The following XKR6 variants were observed in gnomAD, a reference collection of about 807,000 sequenced individuals.
XKR6 encodes the protein XK-related protein 6.
A neutral mutation model predicts 56.7 loss-of-function variants in XKR6; 22 were observed. That is an observed-to-expected ratio of 0.39 (90% CI 0.28 to 0.55). The LOEUF (loss-of-function observed/expected upper bound fraction) is 0.55. Among genes scored for constraint, XKR6 ranks in the 20% least tolerant of loss-of-function variants. The pLI, the probability that XKR6 is intolerant of heterozygous loss-of-function variation, is 0.66. For synonymous variants in XKR6, 524 were observed against 387.8 expected (o/e 1.35, Z -4.13); for missense variants, 852 against 889.0 (o/e 0.96, Z 0.53).
At position 11,008,566 on chromosome 8, in the gene XKR6, G is replaced by T. The variant is rs970647692; in HGVS notation, c.765-83736C>A. ...CTCCTAAGTAGCTGGGACCACAGGTGCATGCCACCATGCCTGGCTAATTTT... is the reference window on the plus strand; with the variant it reads ...CTCCTAAGTAGCTGGGACCACAGGTTCATGCCACCATGCCTGGCTAATTTT... On this transcript the variant is annotated intron_variant, in intron 1 of 2. Transcript: ENST00000416569. Among the ~76,000 whole-genome samples, 3 of 152,010 alleles carry T rather than the reference G, an allele frequency of 2.0e-5. No individual in the cohort carries two copies. The East Asian group carries it at 5.8e-4, about 29-fold the overall frequency.
chr8:11,083,450 G>C (rs769314462), intron 1 of XKR6, among the ~76,000 whole-genome samples: 4 of 152,166 alleles, frequency 2.6e-5, no homozygotes, highest in Non-Finnish European at 4.4e-5. Flanking sequence ...TCGCCCCTGG[G>C]ACTTGACAGG....
At chr8:11,139,310 A>C (rs1440349285) in intron 1 of XKR6, among the ~76,000 whole-genome samples, 1 of 152,186 alleles carries the variant, frequency 6.6e-6, no homozygotes, top group Non-Finnish European at 1.5e-5. Flanking sequence ...TACGTAACTC[A>C]AAGAATCCTG....
chr8:11,138,145 A>G (rs1368894128), intron 1 of XKR6: 1 of 159,974 alleles, frequency 6.3e-6, no homozygotes, highest in East Asian at 1.9e-4. Flanking sequence ...TTTAAGACCC[A>G]TTCCAGAAAG....
At chr8:10,999,082 T>C (rs1798181639) in intron 1 of XKR6, among the ~76,000 whole-genome samples, 1 of 152,184 alleles carries the variant, frequency 6.6e-6, no homozygotes, top group Admixed American at 6.5e-5. Flanking sequence ...AAAACGTTTG[T>C]TTTCTTCTCC....
chr8:11,153,407 A>C (rs1019714178), intron 1 of XKR6, among the ~76,000 whole-genome samples: 5 of 152,254 alleles, frequency 3.3e-5, no homozygotes, highest in Middle Eastern at 3.2e-3. Context: ...CTTTAGCCCC[A>C]AAAACTCTAC....
intron 1 of XKR6, among the ~76,000 whole-genome samples, chr8:11,142,735 G>T (rs945503038): frequency 9.2e-5 from 14 of 152,134 alleles, no homozygotes; most frequent in African/African-American, 3.1e-4. Context: ...GCAGAACCAT[G>T]AGCCAATTAA....
intron 1 of XKR6, among the ~76,000 whole-genome samples, chr8:11,151,405 T>C (rs779658980): frequency 1.3e-5 from 2 of 152,170 alleles, no homozygotes; most frequent in Non-Finnish European, 2.9e-5. Context: ...CTGCAGAAAA[T>C]TGATTAAGAG....
chr8:11,010,687 CT>C (rs1263702704), intron 1 of XKR6, among the ~76,000 whole-genome samples: 1 of 152,184 alleles, frequency 6.6e-6, no homozygotes, highest in Admixed American at 6.5e-5. Context: ...TTTAAAACAA[CT>C]TTTCCCCCAG....
At chr8:11,131,892 C>T (rs1800120748) in intron 1 of XKR6, among the ~76,000 whole-genome samples, 1 of 152,140 alleles carries the variant, frequency 6.6e-6, no homozygotes. Context: ...TAGACTATAC[C>T]ATCTAGGTTT....
chr8:11,009,254 T>C (rs1047211193), intron 1 of XKR6, among the ~76,000 whole-genome samples: 2 of 152,196 alleles, frequency 1.3e-5, no homozygotes, highest in Non-Finnish European at 2.9e-5. Flanking sequence ...CTCACACCTG[T>C]AATCCCAGCA....
At chr8:11,051,155 A>T (rs1011717437) in intron 1 of XKR6, among the ~76,000 whole-genome samples, 44 of 151,842 alleles carry the variant, frequency 2.9e-4, no homozygotes, top group Admixed American at 1.1e-3. Context: ...AATTCAGTGG[A>T]TCACCCCCCA....
intron 1 of XKR6, among the ~76,000 whole-genome samples, chr8:10,955,255 C>G (rs754764808): frequency 2.0e-5 from 3 of 152,162 alleles, no homozygotes; most frequent in Non-Finnish European, 4.4e-5. Flanking sequence ...TCACTGCAGT[C>G]TTGACCTCCC....
chr8:11,178,572 A>G (rs867534995), intron 1 of XKR6, among the ~76,000 whole-genome samples: 44 of 140,830 alleles, frequency 3.1e-4, no homozygotes, highest in South Asian at 4.7e-4. Context: ...ATATATATAT[A>G]TGTATATATA....
chr8:10,978,751 C>G (rs982244168), intron 1 of XKR6, among the ~76,000 whole-genome samples: 5 of 152,224 alleles, frequency 3.3e-5, no homozygotes, highest in African/African-American at 1.2e-4. Context: ...ACCCCAGTCT[C>G]CCTCCCTGGC....
intron 2 of XKR6, among the ~76,000 whole-genome samples, chr8:10,912,070 T>C (rs374432985): frequency 1.8e-4 from 27 of 149,090 alleles, no homozygotes; most frequent in South Asian, 1.1e-3. Flanking sequence ...AGGACGTGTA[T>C]ACATAGAGAG....
chr8:10,903,260 C>T (rs1164175502), intron 2 of XKR6, among the ~76,000 whole-genome samples: 1 of 152,190 alleles, frequency 6.6e-6, no homozygotes, highest in Non-Finnish European at 1.5e-5. Flanking sequence ...CCTGCAGCCC[C>T]CACAGGACTG....
intron 1 of XKR6, among the ~76,000 whole-genome samples, chr8:10,985,724 C>G (rs1184389696): frequency 6.6e-6 from 1 of 152,186 alleles, no homozygotes; most frequent in African/African-American, 2.4e-5. Context: ...AAACCTCTTT[C>G]CTTTTTTCCT....
intron 2 of XKR6, among the ~76,000 whole-genome samples, chr8:10,919,442 T>C (rs1231450109): frequency 2.0e-5 from 3 of 152,214 alleles, no homozygotes; most frequent in Middle Eastern, 3.2e-3. Context: ...CATGACAGCA[T>C]GGATTATGCC....
chr8:10,905,880 G>A (rs1014620762), intron 2 of XKR6, among the ~76,000 whole-genome samples: 6 of 152,138 alleles, frequency 3.9e-5, no homozygotes, highest in Non-Finnish European at 8.8e-5. Flanking sequence ...TGTGTCCACC[G>A]CCTCTCTAAG....
Sources: allele counts gnomAD v4.1 joint callset (sites outside exome capture counted in the v4.1 genomes callset), GRCh38; gene constraint gnomAD v4.1.1; transcripts MANE v1.5; gene names NCBI Gene and HGNC (gene_info 2026-07-23, HGNC 2026-07-21).